Variants in SH3GL2 observed in about 807,000 individuals in gnomAD.
SH3GL2 encodes the protein endophilin-A1.
SH3GL2 carries 24 observed loss-of-function variants against 46.0 expected under a neutral mutation model. That is an observed-to-expected ratio of 0.52 (90% confidence interval 0.38 to 0.73). The LOEUF is 0.73. Ranked by LOEUF, SH3GL2 falls within the 30% of genes least tolerant of loss-of-function variation. The pLI is 0.00. For synonymous variants in SH3GL2, 196 were observed against 147.1 expected (o/e 1.33, Z -2.40); for missense variants, 413 against 424.2 (o/e 0.97, Z 0.23).
At position 17,694,924 on chromosome 9, in the gene SH3GL2, A is replaced by G. The variant is rs185908911; in HGVS notation, c.46-52142A>G. ...GAGTAGGGGAGGCAGTGGCACACTT[A>G]GGTGATACCTTGCACAGCAGTCACA... is the stretch of plus-strand genomic sequence containing the variant. On this transcript the variant is annotated intron_variant, in intron 1 of 8. Coordinates refer to ENST00000380607, the MANE Select transcript of SH3GL2 (RefSeq NM_003026.5). Among the ~76,000 whole-genome samples the G allele has an allele frequency of 1.1e-3, 170 of 152,198 alleles. 2 individuals carry two copies. The East Asian group carries it at 0.031, about 27-fold the overall frequency.
At chr9:17,625,739 A>C (rs922634455) in intron 1 of SH3GL2, among the ~76,000 whole-genome samples, 39 of 152,300 alleles carry the variant, frequency 2.6e-4, no homozygotes, top group African/African-American at 8.4e-4. Flanking sequence ...CAGCTTAGGT[A>C]CAGGAATTGG....
chr9:17,760,776 G>A (rs990159896), intron 2 of SH3GL2, among the ~76,000 whole-genome samples: 5 of 152,162 alleles, frequency 3.3e-5, no homozygotes, highest in African/African-American at 1.2e-4. Flanking sequence ...AAGACAGAGA[G>A]CACTGCAGTG....
chr9:17,602,504 A>G (rs1818690124), intron 1 of SH3GL2, among the ~76,000 whole-genome samples: 1 of 152,162 alleles, frequency 6.6e-6, no homozygotes, highest in Non-Finnish European at 1.5e-5. Context: ...CCCCATCTCC[A>G]GGAGATTGGC....
At chr9:17,794,615 C>T (rs1824228421) in intron 8 of SH3GL2, among the ~76,000 whole-genome samples, 1 of 152,126 alleles carries the variant, frequency 6.6e-6, no homozygotes. Flanking sequence ...ACATTGTTTC[C>T]TTTCCAGCCA....
intron 3 of SH3GL2, among the ~76,000 whole-genome samples, chr9:17,776,703 C>A (rs948294622): frequency 2.7e-5 from 4 of 146,760 alleles, no homozygotes; most frequent in Admixed American, 6.8e-5. Flanking sequence ...TATGATAATA[C>A]TTACCTGGCC....
chr9:17,595,906 T>A (rs1818561002), intron 1 of SH3GL2, among the ~76,000 whole-genome samples: 1 of 152,164 alleles, frequency 6.6e-6, no homozygotes, highest in African/African-American at 2.4e-5. Context: ...TTAATGAACA[T>A]TTGAACAGTG....
intron 1 of SH3GL2, among the ~76,000 whole-genome samples, chr9:17,586,022 C>T (rs1486583684): frequency 6.6e-6 from 1 of 152,178 alleles, no homozygotes; most frequent in Non-Finnish European, 1.5e-5. Context: ...AGAGCTATAA[C>T]TATACTTATT....
chr9:17,703,544 A>G (rs1261706140), intron 1 of SH3GL2, among the ~76,000 whole-genome samples: 1 of 152,086 alleles, frequency 6.6e-6, no homozygotes, highest in Non-Finnish European at 1.5e-5. Flanking sequence ...CATAGATGCA[A>G]AAATCCTCAG....
intron 2 of SH3GL2, among the ~76,000 whole-genome samples, chr9:17,758,439 C>G (rs201840517): frequency 2.0e-5 from 3 of 151,438 alleles, no homozygotes; most frequent in South Asian, 4.2e-4. Context: ...GTGCGTGCCT[C>G]TAGTCCCAGC....
intron 2 of SH3GL2, among the ~76,000 whole-genome samples, chr9:17,757,606 T>C (rs569694952): frequency 4.5e-4 from 69 of 152,322 alleles, no homozygotes; most frequent in Non-Finnish European, 7.3e-4. Flanking sequence ...GATGAGAAAT[T>C]CTTGTAATTT....
chr9:17,783,466 A>G (rs1469616139), intron 3 of SH3GL2, among the ~76,000 whole-genome samples: 2 of 151,590 alleles, frequency 1.3e-5, no homozygotes, highest in African/African-American at 4.8e-5. Flanking sequence ...TAACTCAGGC[A>G]GGGCTAGCAG....
intron 1 of SH3GL2, among the ~76,000 whole-genome samples, chr9:17,588,682 C>A (rs145848631): frequency 1.3e-4 from 20 of 152,322 alleles, no homozygotes; most frequent in African/African-American, 4.8e-4. Context: ...CAGATAAGAG[C>A]CCAGTCTAGC....
intron 1 of SH3GL2, among the ~76,000 whole-genome samples, chr9:17,586,296 C>T (rs1010159883): frequency 1.3e-5 from 2 of 152,148 alleles, no homozygotes; most frequent in African/African-American, 4.8e-5. Flanking sequence ...TCGTGAAGAA[C>T]CCACAGCTCC....
chr9:17,774,742 G>A (rs1823592233), intron 3 of SH3GL2, among the ~76,000 whole-genome samples: 1 of 152,088 alleles, frequency 6.6e-6, no homozygotes, highest in Non-Finnish European at 1.5e-5. Flanking sequence ...AGAGATATTG[G>A]TCTGTAGTTG....
intron 1 of SH3GL2, among the ~76,000 whole-genome samples, chr9:17,580,401 G>T (rs894530086): frequency 6.6e-6 from 1 of 152,146 alleles, no homozygotes; most frequent in Non-Finnish European, 1.5e-5. Context: ...GGTGAGGGTT[G>T]TGTTTTACAG....
chr9:17,740,746 A>G (rs965709796), intron 1 of SH3GL2, among the ~76,000 whole-genome samples: 3 of 151,944 alleles, frequency 2.0e-5, no homozygotes, highest in Non-Finnish European at 2.9e-5. Flanking sequence ...TCCATCTTTC[A>G]TTTAAGACTG....
At chr9:17,792,627 C>T (rs2131194220) in intron 7 of SH3GL2, among the ~76,000 whole-genome samples, 1 of 152,256 alleles carries the variant, frequency 6.6e-6, no homozygotes, top group African/African-American at 2.4e-5. Context: ...CAGTATATTT[C>T]CTCCTTCCCT....
chr9:17,670,929 G>C (rs1325394353), intron 1 of SH3GL2, among the ~76,000 whole-genome samples: 1 of 152,180 alleles, frequency 6.6e-6, no homozygotes, highest in African/African-American at 2.4e-5. Flanking sequence ...GTATGGGGTG[G>C]GGCCTGACTA....
intron 3 of SH3GL2, among the ~76,000 whole-genome samples, chr9:17,768,146 C>T (rs1023834561): frequency 4.0e-5 from 6 of 151,866 alleles, no homozygotes; most frequent in African/African-American, 4.8e-5. Flanking sequence ...CCGAGGTGGG[C>T]GGATCACGAG....
Sources: allele counts gnomAD v4.1 joint callset (sites outside exome capture counted in the v4.1 genomes callset), GRCh38; gene constraint gnomAD v4.1.1; transcripts MANE v1.5; gene names NCBI Gene and HGNC (gene_info 2026-07-23, HGNC 2026-07-21).